OPA1: variants seen among roughly 807,000 people sequenced by gnomAD.
OPA1 encodes the protein dynamin-like GTPase OPA1, mitochondrial.
OPA1 carries 59 observed loss-of-function variants against 152.9 expected under a neutral mutation model. The observed-to-expected ratio is 0.39, with a 90% CI of 0.31 to 0.48. The LOEUF (loss-of-function observed/expected upper bound fraction) is 0.48, where lower values mean the gene tolerates loss of function less well. OPA1 is among the 20% of genes least tolerant of loss of function. The pLI, the probability that OPA1 is intolerant of heterozygous loss-of-function variation, is 0.96. For synonymous variants in OPA1, 400 were observed against 389.9 expected, an observed-to-expected ratio of 1.03 and a Z score of -0.31; for missense variants, 1,008 against 1,216.8, an observed-to-expected ratio of 0.83 and a Z score of 2.55.
chr3:193,654,824 TATTTAG>T (rs766181072), intron 21 of OPA1, 32 bp from the exon 22 acceptor site: 1 of 1,596,434 alleles, frequency 6.3e-7, no homozygotes, highest in South Asian at 1.1e-5. Context: ...AACAATATTA[TATTTAG>T]ATTTGGTGCT....
chr3:193,630,757 AG>A (rs1463357071), intron 7 of OPA1, among the ~76,000 whole-genome samples: 1 of 152,208 alleles, frequency 6.6e-6, no homozygotes, highest in Non-Finnish European at 1.5e-5. Context: ...GTCAAAGCAC[AG>A]TTATGTGAAT....
chr3:193,696,756 A>G lies in OPA1; in HGVS notation c.*2156A>G, dbSNP rs886058258. The G allele has an allele frequency of 2.6e-5, 4 of 152,236 alleles. No individual in the cohort carries two copies. The highest frequency in any genetic ancestry group is 6.5e-5 in the Admixed American group (1 of 15,286). The allele number at this position is 152,236 out of a possible 1,614,324, so 9.4% of individuals were successfully genotyped here. On this transcript the variant is annotated 3_prime_UTR_variant, in exon 31 of 31. Transcript: ENST00000361510. ...CATTTGTTTTTATGTCAGAATTTGC[A>G]AAGAGTGGAGTGGACAAAGCTCTGT... is the stretch of plus-strand genomic sequence containing the variant.
chr3:193,604,564 G>C (rs1450019073), intron 1 of OPA1, among the ~76,000 whole-genome samples: 2 of 152,098 alleles, frequency 1.3e-5, no homozygotes, highest in East Asian at 3.9e-4. Context: ...TTTTTCTTTT[G>C]AAAATTGAAG....
intron 1 of OPA1, among the ~76,000 whole-genome samples, chr3:193,593,754 C>T (rs1725033722): frequency 6.6e-6 from 1 of 151,880 alleles, no homozygotes; most frequent in Non-Finnish European, 1.5e-5. Context: ...TTTTTTCTGT[C>T]CTCTCCCTGC....
chr3:193,690,258 A>G (rs1721483292), intron 29 of OPA1, among the ~76,000 whole-genome samples: 1 of 150,728 alleles, frequency 6.6e-6, no homozygotes. Flanking sequence ...CATAATAACT[A>G]TTATCATATT....
At chr3:193,627,746 C>T (rs552629841) in intron 7 of OPA1, among the ~76,000 whole-genome samples, 17 of 152,244 alleles carry the variant, frequency 1.1e-4, no homozygotes, top group Admixed American at 1.0e-3. Flanking sequence ...TTGCTGAAAG[C>T]TAATGTTCAT....
chr3:193,682,936 G>A (rs1720382682), intron 29 of OPA1, among the ~76,000 whole-genome samples: 2 of 152,078 alleles, frequency 1.3e-5, no homozygotes, highest in South Asian at 2.1e-4. Context: ...AAAAATACGT[G>A]TCTTAAGGCC....
At chr3:193,673,212 A>G (rs1718306784) in intron 29 of OPA1, among the ~76,000 whole-genome samples, 1 of 152,246 alleles carries the variant, frequency 6.6e-6, no homozygotes, top group Admixed American at 6.5e-5. Flanking sequence ...TTTGGAAAAT[A>G]TGATGACATA....
chr3:193,652,398 A>G (rs6801958), intron 21 of OPA1, among the ~76,000 whole-genome samples: 1 of 151,626 alleles, frequency 6.6e-6, no homozygotes, highest in Admixed American at 6.6e-5. Context: ...AACAAACAAA[A>G]AAAAAAAACC....
chr3:193,641,616 G>T (rs914218190), intron 11 of OPA1, among the ~76,000 whole-genome samples: 1 of 152,172 alleles, frequency 6.6e-6, no homozygotes, highest in African/African-American at 2.4e-5. Flanking sequence ...CCTTTGCCCT[G>T]TGCTACAAAT....
Position 193,614,978 on chromosome 3 carries a change from A to T in OPA1, c.288A>T (p.Arg96Ser). The change falls in exon 2 of 31, where the codon AGA (arginine) becomes AGT (serine). Residue 96 changes from arginine (R) to serine (S), a missense_variant. Arg to Ser is a moderately radical substitution (Grantham distance 110). Around this residue, in one of 7 missense-constraint regions of OPA1, gnomAD observed 408 missense variants for 395.1 expected, o/e 1.03. Coordinates refer to ENST00000361510, the MANE Select transcript of OPA1 (RefSeq NM_130837.3). ...TTTGGCCAGCAAGATTAGCTACGAGACTCTTAAAACTTCGCTATCTCATAC... is the reference window on the plus strand; with the variant it reads ...TTTGGCCAGCAAGATTAGCTACGAGTCTCTTAAAACTTCGCTATCTCATAC... The part of the protein sequence containing the change: ...RNFWPARLAT[R>S]LLKLRYLILG... 6.2e-7 allele frequency: 1 copy of T among 1,614,134 alleles called. No individual in the cohort carries two copies. Among genetic ancestry groups the T allele is most frequent in the Non-Finnish European group, 8.5e-7 (1 of 1,180,010 alleles).
At chr3:193,654,615 A>G (rs1233871523) in intron 21 of OPA1, among the ~76,000 whole-genome samples, 2 of 152,238 alleles carry the variant, frequency 1.3e-5, no homozygotes, top group African/African-American at 2.4e-5. Flanking sequence ...GATTGCATTT[A>G]TATAAATTTC....
chr3:193,609,933 GTTCGTCGAATTTTT>G (rs139341793), intron 1 of OPA1, among the ~76,000 whole-genome samples: 64,771 of 151,378 alleles, frequency 0.43, 14,032 homozygotes, highest in Non-Finnish European at 0.43. Flanking sequence ...CTAGTTAGCC[GTTCGTCGAATTTTT>G]TTCAAGGTTT....
chr3:193,602,324 G>A (rs1017544691), intron 1 of OPA1, among the ~76,000 whole-genome samples: 29 of 152,190 alleles, frequency 1.9e-4, no homozygotes, highest in Admixed American at 1.6e-3. Flanking sequence ...CCCATCCAAC[G>A]AGGTTCAAGA....
chr3:193,653,686 C>T (rs1421974278), intron 21 of OPA1, among the ~76,000 whole-genome samples: 4 of 152,094 alleles, frequency 2.6e-5, no homozygotes, highest in East Asian at 1.9e-4. Context: ...CATTCTATAA[C>T]ATCTCTGTGC....
intron 25 of OPA1, among the ~76,000 whole-genome samples, chr3:193,661,553 C>T (rs1715270223): frequency 1.3e-5 from 2 of 152,132 alleles, no homozygotes; most frequent in African/African-American, 4.8e-5. Context: ...AGCTGAATGA[C>T]AGGATTTGGC....
intron 29 of OPA1, among the ~76,000 whole-genome samples, chr3:193,677,521 C>A (rs1218887838): frequency 6.6e-6 from 1 of 151,966 alleles, no homozygotes; most frequent in African/African-American, 2.4e-5. Context: ...CAAAACAATT[C>A]ATTGGACTCT....
Position 193,648,112 on chromosome 3 carries a change from C to G in OPA1, c.1913C>G (p.Pro638Arg). Residue 638 changes from proline to arginine, a missense_variant, in exon 20 of 31, where the codon CCT becomes CGT. By Grantham distance (103) the Pro-to-Arg change is moderately radical (BLOSUM62 -2). Around this residue, in one of 7 missense-constraint regions of OPA1, gnomAD observed 229 missense variants for 269.0 expected, o/e 0.85. Coordinates refer to ENST00000361510, the MANE Select transcript of OPA1 (RefSeq NM_130837.3). ...NLETEWKNNY[P>R]RLRELDRNEL... Reference sequence around the variant, plus strand: ...GAAACTGAATGGAAGAATAACTATCCTCGCCTGCGGGAACTTGACCGGGTA... The same window carrying G: ...GAAACTGAATGGAAGAATAACTATCGTCGCCTGCGGGAACTTGACCGGGTA... 2 of 1,613,208 alleles carry G rather than the reference C, an allele frequency of 1.2e-6. No homozygotes were observed. The highest frequency in any genetic ancestry group is 1.7e-6 in the Non-Finnish European group (2 of 1,179,198).
chr3:193,651,136 A>T (rs1712328544), intron 21 of OPA1, among the ~76,000 whole-genome samples: 1 of 152,214 alleles, frequency 6.6e-6, no homozygotes, highest in Non-Finnish European at 1.5e-5. Context: ...TGGGTTTATT[A>T]ACCATATTCA....
Sources: gnomAD v4.1 joint callset for allele counts (sites outside exome capture counted in the v4.1 genomes callset) on GRCh38, gnomAD v4.1.1 for gene constraint, gnomAD v4.1.1 regional missense constraint, MANE v1.5 for transcripts, NCBI Gene and HGNC (gene_info 2026-07-23, HGNC 2026-07-21) for gene names.